Variants in SYNJ2BP observed in about 807,000 individuals in gnomAD.
The protein encoded by SYNJ2BP is synaptojanin-2-binding protein.
In SYNJ2BP, 10 loss-of-function variants were observed where a neutral mutation model predicts 16.9. The ratio of observed to expected loss-of-function variants is 0.59; its 90% CI spans 0.36 to 1.00. SYNJ2BP has a LOEUF of 1.00. SYNJ2BP is among the 50% of genes least tolerant of loss of function. SYNJ2BP has a pLI of 0.01. For missense variants in SYNJ2BP, 162 were observed against 186.7 expected (o/e 0.87, Z 0.77); for synonymous variants, 54 against 68.4 (o/e 0.79, Z 1.04).
At position 70,367,234 on chromosome 14, in the gene SYNJ2BP, C is replaced by T. The variant is rs1456737096; in HGVS notation, c.*5757G>A. On this transcript the variant is annotated 3_prime_UTR_variant, in exon 4 of 4. Transcript: ENST00000256366. Reference sequence around the variant, plus strand: ...GGTTTTATAGTATCATCAAGTACATCAGTTAAGCAAATCAAGTGCTTTGTG... The same window carrying T: ...GGTTTTATAGTATCATCAAGTACATTAGTTAAGCAAATCAAGTGCTTTGTG... 2 of 152,078 alleles carry T rather than the reference C, an allele frequency of 1.3e-5. No homozygotes were observed. The highest frequency in any genetic ancestry group is 4.8e-5 in the African/African-American group (2 of 41,410). 9.4% of individuals were successfully genotyped at this position (152,078 alleles called of 1,614,324 possible). A position where few individuals can be genotyped will look rare whatever the true frequency, so the allele number is the denominator to read the frequency against.
intron 1 of SYNJ2BP, among the ~76,000 whole-genome samples, chr14:70,412,699 T>C (rs1227543483): frequency 6.6e-6 from 1 of 151,656 alleles, no homozygotes; most frequent in African/African-American, 2.4e-5. Flanking sequence ...CATCAACCCA[T>C]CATCTTTTCC....
In SYNJ2BP at chr14:70,416,949, C is replaced by T. The variant is rs1888625776; in HGVS notation, c.15G>A (p.Val5=). Residue 5 remains valine (V), a synonymous_variant, in exon 1 of 4, where the codon GTG becomes GTA. Transcript: ENST00000256366. MNGR[V]DYLVTEEEIN... is the part of the protein sequence containing the mutation. ...TCTCTTCCTCAGTGACCAAATAATC[C>T]ACTCTTCCGTTCATGTTTTACAGCT... is the stretch of plus-strand genomic sequence containing the variant. The T allele has an allele frequency of 5.6e-6, 9 of 1,613,994 alleles. No individual in the cohort carries two copies. The highest frequency in any genetic ancestry group is 1.1e-5 in the South Asian group (1 of 91,080).
chr14:70,396,126 T>C, intron 1 of SYNJ2BP, among the ~76,000 whole-genome samples: 1 of 149,218 alleles, frequency 6.7e-6, no homozygotes, highest in East Asian at 1.9e-4. Context: ...CAATTCTTTT[T>C]TTTATTTTTT....
chr14:70,368,519 T>G lies in SYNJ2BP; in HGVS notation c.*4472A>C, dbSNP rs1347491582. 3 of 152,206 alleles carry G rather than the reference T, an allele frequency of 2.0e-5. No homozygotes were observed. Among genetic ancestry groups the G allele is most frequent in the African/African-American group, 7.2e-5 (3 of 41,452 alleles). 9.4% of individuals were successfully genotyped at this position (152,206 alleles called of 1,614,324 possible). On this transcript the variant is annotated 3_prime_UTR_variant, in exon 4 of 4. Transcript: ENST00000256366. ...TCATCCTAGAAGCTCTCTGGTCCTTTTTAGCTTCAATGTTCTATGATTGGT... is the reference window on the plus strand; with the variant it reads ...TCATCCTAGAAGCTCTCTGGTCCTTGTTAGCTTCAATGTTCTATGATTGGT...
intron 3 of SYNJ2BP, 152 bp downstream of exon 3, chr14:70,375,524 A>G (rs1426030942): frequency 1.0e-6 from 1 of 980,474 alleles, no homozygotes; most frequent in African/African-American, 1.7e-5. Flanking sequence ...TGATAAGCAG[A>G]AGTACCAATG....
At position 70,372,023 on chromosome 14, in the gene SYNJ2BP, T is replaced by C. The variant is rs1204798725; in HGVS notation, c.*968A>G. 6.6e-6 allele frequency: 1 copy of C among 152,216 alleles called. No individual in the cohort carries two copies. Among genetic ancestry groups the C allele is most frequent in the African/African-American group, 2.4e-5 (1 of 41,448 alleles). The allele number at this position is 152,216 out of a possible 1,614,324, so 9.4% of individuals were successfully genotyped here. On this transcript the variant is annotated 3_prime_UTR_variant, in exon 4 of 4. Coordinates refer to ENST00000256366, the MANE Select transcript of SYNJ2BP (RefSeq NM_018373.3). Reference sequence around the variant, plus strand: ...CCTTTACACCTCAAAGTTTTTTAGATGTGAGCAGCGCTGGATTATGGCAAT... The same window carrying C: ...CCTTTACACCTCAAAGTTTTTTAGACGTGAGCAGCGCTGGATTATGGCAAT...
chr14:70,416,100 A>G (rs1888599718), intron 1 of SYNJ2BP, among the ~76,000 whole-genome samples: 2 of 152,176 alleles, frequency 1.3e-5, no homozygotes, highest in Admixed American at 6.5e-5. Context: ...TTGATCAACT[A>G]AATAGTTGTA....
intron 1 of SYNJ2BP, among the ~76,000 whole-genome samples, chr14:70,391,808 C>G (rs1887986459): frequency 6.6e-6 from 1 of 152,156 alleles, no homozygotes; most frequent in Non-Finnish European, 1.5e-5. Context: ...CCATCGAAGT[C>G]ATATTATATA....
chr14:70,415,534 G>C (rs568712225), intron 1 of SYNJ2BP, among the ~76,000 whole-genome samples: 1 of 147,388 alleles, frequency 6.8e-6, no homozygotes, highest in African/African-American at 2.5e-5. Flanking sequence ...CTGGGCAACA[G>C]AGTGAGACCC....
In SYNJ2BP at chr14:70,370,018, AATAAT is replaced by A. The variant is rs1290799951; in HGVS notation, c.*2968_*2972del. ...TATAATTTTAGTTTTCTATAGAATC[AATAAT>A]ATAATTAGTGTACCTGCTTAAAACT... On this transcript the variant is annotated 3_prime_UTR_variant, in exon 4 of 4. Transcript: ENST00000256366. 3.9e-5 allele frequency: 6 copies of A among 152,222 alleles called. No homozygotes were observed. The highest frequency in any genetic ancestry group is 1.4e-4 in the African/African-American group (6 of 41,462). The allele number at this position is 152,222 out of a possible 1,614,324, so 9.4% of individuals were successfully genotyped here.
intron 1 of SYNJ2BP, among the ~76,000 whole-genome samples, chr14:70,394,476 T>G (rs906458626): frequency 1.3e-5 from 2 of 150,816 alleles, no homozygotes; most frequent in Non-Finnish European, 3.0e-5. Context: ...TTTTTTTTTT[T>G]AGTGAATGAA....
chr14:70,414,779 A>G (rs1455745432), intron 1 of SYNJ2BP, among the ~76,000 whole-genome samples: 2 of 152,240 alleles, frequency 1.3e-5, no homozygotes, highest in Non-Finnish European at 2.9e-5. Flanking sequence ...TTAAATAAAT[A>G]CTTGCACAGC....
At chr14:70,416,826 G>A (rs1168397308) in intron 1 of SYNJ2BP, 74 bp downstream of exon 1, 4 of 1,606,254 alleles carry the variant, frequency 2.5e-6, no homozygotes, top group Non-Finnish European at 3.4e-6. Flanking sequence ...AGGTGAATCC[G>A]GCTCAGCAGC....
intron 1 of SYNJ2BP, among the ~76,000 whole-genome samples, chr14:70,392,920 C>A (rs879312121): frequency 2.6e-5 from 4 of 152,044 alleles, no homozygotes; most frequent in Admixed American, 2.6e-4. Flanking sequence ...GTAGGGTGAC[C>A]ACATATCCCA....
At chr14:70,386,836 T>G (rs1243850323) in intron 2 of SYNJ2BP, among the ~76,000 whole-genome samples, 12 of 152,122 alleles carry the variant, frequency 7.9e-5, no homozygotes, top group Admixed American at 7.9e-4. Context: ...AGCAAAAAAT[T>G]TTTAAGGGAT....
At chr14:70,396,592 G>GTGTATGTA (rs1246457538) in intron 1 of SYNJ2BP, among the ~76,000 whole-genome samples, 1 of 151,182 alleles carries the variant, frequency 6.6e-6, no homozygotes, top group African/African-American at 2.4e-5. Flanking sequence ...ATGTATGTAT[G>GTGTATGTA]TGTGTATATG....
intron 1 of SYNJ2BP, among the ~76,000 whole-genome samples, chr14:70,407,197 G>C (rs1888364319): frequency 6.6e-6 from 1 of 152,140 alleles, no homozygotes; most frequent in Admixed American, 6.5e-5. Context: ...GGGAGGCCGA[G>C]GCAGGTGGAT....
intron 1 of SYNJ2BP, among the ~76,000 whole-genome samples, chr14:70,406,970 C>T (rs1444653365): frequency 6.6e-6 from 1 of 152,132 alleles, no homozygotes; most frequent in Non-Finnish European, 1.5e-5. Flanking sequence ...GCAAGAAGAA[C>T]CCATTGGGTG....
rs2139459736 is a variant in SYNJ2BP, at chr14:70,417,016, T to C, written c.-53A>G. The C allele has an allele frequency of 2.5e-6, 4 of 1,613,270 alleles. No individual in the cohort carries two copies. The highest frequency in any genetic ancestry group is 3.4e-6 in the Non-Finnish European group (4 of 1,179,638). On this transcript the variant is annotated 5_prime_UTR_variant, in exon 1 of 4. Coordinates refer to ENST00000256366, the MANE Select transcript of SYNJ2BP (RefSeq NM_018373.3). ...TGGGTCAGCTGGAGTGCAGCACAGG[T>C]GAAGGTGAATCAATCTCGGCGCTGC...
Sources: allele counts gnomAD v4.1 joint callset (sites outside exome capture counted in the v4.1 genomes callset), GRCh38; gene constraint gnomAD v4.1.1; transcripts MANE v1.5; gene names NCBI Gene and HGNC (gene_info 2026-07-23, HGNC 2026-07-21).